PSG2: variants seen among roughly 807,000 people sequenced by gnomAD.
The protein encoded by PSG2 is pregnancy-specific beta-1-glycoprotein 2.
A neutral mutation model predicts 36.2 loss-of-function variants in PSG2; 49 were observed. The ratio of observed to expected loss-of-function variants is 1.35; its 90% CI spans 1.08 to 1.72. PSG2 has a LOEUF of 1.72. Ranked by LOEUF, PSG2 falls within the 40% of genes most tolerant of loss-of-function variation. The pLI is 0.00. For synonymous variants in PSG2, 261 were observed against 155.6 expected (o/e 1.68, Z -5.04); for missense variants, 605 against 407.2 (o/e 1.49, Z -4.18).
At position 43,064,433 on chromosome 19, in the gene PSG2, T is replaced by A. The variant is rs1967712138; in HGVS notation, c.*209A>T. On this transcript the variant is annotated 3_prime_UTR_variant, in exon 6 of 6. Coordinates refer to ENST00000406487, the MANE Select transcript of PSG2 (RefSeq NM_031246.4). ...GAAAATTATGAAATCATTATCCTTT[T>A]GATTATTTAGTCCAATAACATTGAG... 3 of 359,456 alleles carry A rather than the reference T, an allele frequency of 8.3e-6. No individual in the cohort carries two copies. The highest frequency in any genetic ancestry group is 2.0e-4 in the South Asian group (2 of 9,834). 22.3% of individuals were successfully genotyped at this position (359,456 alleles called of 1,614,324 possible).
intron 4 of PSG2, among the ~76,000 whole-genome samples, chr19:43,069,399 A>G (rs1390838030): frequency 6.6e-6 from 1 of 151,764 alleles, no homozygotes; most frequent in African/African-American, 2.4e-5. Flanking sequence ...GACTAAATAG[A>G]CACAGAGCTT....
chr19:43,074,270 G>C (rs1296009359), intron 3 of PSG2, among the ~76,000 whole-genome samples: 1 of 151,524 alleles, frequency 6.6e-6, no homozygotes, highest in Non-Finnish European at 1.5e-5. Context: ...CATTGAATCT[G>C]CAACTCACTT....
In PSG2 at chr19:43,077,747, TAC is replaced by T. The variant is rs1967917704; in HGVS notation, c.431-2117_431-2116del. ...CACAACTACATAATTTAAAAATTGC[TAC>T]TGTCAAAACAAAATATTAAATATGA... On this transcript the variant is annotated intron_variant, in intron 2 of 5. Coordinates refer to ENST00000406487, the MANE Select transcript of PSG2 (RefSeq NM_031246.4). Among the ~76,000 whole-genome samples the T allele has an allele frequency of 1.4e-4, 21 of 151,954 alleles. 2 individuals carry two copies. In the South Asian group the frequency reaches 2.7e-3, roughly 20 times the overall value.
chr19:43,072,029 C>G, intron 3 of PSG2, 75 bp from the exon 4 acceptor site: 5 of 1,549,254 alleles, frequency 3.2e-6, no homozygotes, highest in South Asian at 1.2e-5. Flanking sequence ...TAAAGGGACA[C>G]AGTGACCCTC....
At chr19:43,073,013 G>GC (rs1967841578) in intron 3 of PSG2, among the ~76,000 whole-genome samples, 1 of 151,540 alleles carries the variant, frequency 6.6e-6, no homozygotes, top group African/African-American at 2.4e-5. Flanking sequence ...ATCCTACTTT[G>GC]CCCCCCTAGA....
chr19:43,064,727 T>C (rs1967716704), intron 5 of PSG2, 126 bp from the exon 6 acceptor site: 3 of 342,124 alleles, frequency 8.8e-6, no homozygotes, highest in Non-Finnish European at 1.7e-5. Context: ...GAATTTATTA[T>C]GGTAAAGACA....
At chr19:43,075,170 T>C (rs1967874927) in intron 3 of PSG2, among the ~76,000 whole-genome samples, 184 bp downstream of exon 3, 1 of 151,754 alleles carries the variant, frequency 6.6e-6, no homozygotes, top group Non-Finnish European at 1.5e-5. Context: ...GGAGCCTCTT[T>C]TCTCCTATTG....
chr19:43,066,790 T>C (rs12608832), intron 4 of PSG2, among the ~76,000 whole-genome samples, 190 bp from the exon 5 acceptor site: 1 of 151,666 alleles, frequency 6.6e-6, no homozygotes, highest in African/African-American at 2.4e-5. Context: ...TGTGTCTCGG[T>C]TGGTGATCAG....
Position 43,066,508 on chromosome 19 carries a change from C to T in PSG2, c.*40+9G>A, listed in dbSNP as rs775533033. ...GCAGGAACCAGGATAAGAGAAAAGG[C>T]CATCATACCTGCCAGTCTTCCTGAA... is the stretch of plus-strand genomic sequence containing the variant. On this transcript the variant is annotated intron_variant, in intron 5 of 5. Coordinates refer to ENST00000406487, the MANE Select transcript of PSG2 (RefSeq NM_031246.4). The T allele has an allele frequency of 2.1e-5, 32 of 1,524,396 alleles. 1 individual carries two copies. Among genetic ancestry groups the T allele is most frequent in the Non-Finnish European group, 2.5e-5 (27 of 1,099,872 alleles). The allele number at this position is 1,524,396 out of a possible 1,614,324, so 94.4% of individuals were successfully genotyped here. A position where few individuals can be genotyped will look rare whatever the true frequency, so the allele number is the denominator to read the frequency against.
At chr19:43,072,875 T>C (rs1472420015) in intron 3 of PSG2, among the ~76,000 whole-genome samples, 1 of 151,724 alleles carries the variant, frequency 6.6e-6, no homozygotes, top group East Asian at 1.9e-4. Context: ...TGTTGGGTCA[T>C]GGACAGACAT....
chr19:43,065,299 C>A (rs1599703024), intron 5 of PSG2, among the ~76,000 whole-genome samples: 1 of 151,428 alleles, frequency 6.6e-6, no homozygotes, highest in African/African-American at 2.4e-5. Flanking sequence ...CTTGGTGTAG[C>A]CCATTCATAA....
At chr19:43,068,654 A>G (rs1247935781) in intron 4 of PSG2, among the ~76,000 whole-genome samples, 5 of 151,730 alleles carry the variant, frequency 3.3e-5, no homozygotes, top group African/African-American at 1.2e-4. Context: ...TGAATCAATA[A>G]AAGCATTTGA....
At chr19:43,072,728 C>T in intron 3 of PSG2, 1 of 1,550,368 alleles carries the variant, frequency 6.5e-7, no homozygotes, top group Non-Finnish European at 8.7e-7. Context: ...TCTCAGCCCA[C>T]CTGAGTCCTT....
Position 43,081,541 on chromosome 19 carries a change from G to T in PSG2, c.65-295C>A, listed in dbSNP as rs187565751. On this transcript the variant is annotated intron_variant, in intron 1 of 5. Coordinates refer to ENST00000406487, the MANE Select transcript of PSG2 (RefSeq NM_031246.4). ...TTGGAATCCTCTTCCCCAGGGGTCC[G>T]CATGACCCCATCAGGTCCTGCTCAC... 3.3e-5 allele frequency among the ~76,000 whole-genome samples: 5 copies of T among 150,034 alleles called. 1 individual carries two copies. The East Asian group carries it at 7.8e-4, about 23-fold the overall frequency.
chr19:43,068,993 TAATA>T lies in PSG2; in HGVS notation c.965-2397_965-2394del, dbSNP rs544427164. Among the ~76,000 whole-genome samples the T allele has an allele frequency of 6.9e-4, 105 of 151,862 alleles. 3 individuals are homozygous for T. Among genetic ancestry groups the T allele is most frequent in the African/African-American group, 2.5e-3 (103 of 41,248 alleles). On this transcript the variant is annotated intron_variant, in intron 4 of 5. Transcript: ENST00000406487. ...AAAGGTGGAACAAACCTATTAGAAT[TAATA>T]AATAAATTCAGTAACGTTGCACAAT...
At chr19:43,070,838 T>G (rs1430469418) in intron 4 of PSG2, among the ~76,000 whole-genome samples, 3 of 151,662 alleles carry the variant, frequency 2.0e-5, no homozygotes, top group Non-Finnish European at 4.4e-5. Flanking sequence ...ATATTAGATA[T>G]ATATAAAGTG....
At chr19:43,077,913 T>C (rs1256991625) in intron 2 of PSG2, among the ~76,000 whole-genome samples, 2 of 151,694 alleles carry the variant, frequency 1.3e-5, no homozygotes, top group Non-Finnish European at 2.9e-5. Flanking sequence ...AGTGACAAAT[T>C]CCAAGCTTGT....
intron 3 of PSG2, 35 bp from the exon 4 acceptor site, chr19:43,071,989 A>C (rs369097041): frequency 5.6e-6 from 9 of 1,604,552 alleles, no homozygotes; most frequent in East Asian, 2.2e-5. Context: ...AGGTGATGCC[A>C]TCTGAGGGAA....
At chr19:43,073,057 A>C (rs954616668) in intron 3 of PSG2, among the ~76,000 whole-genome samples, 2 of 151,606 alleles carry the variant, frequency 1.3e-5, no homozygotes, top group African/African-American at 4.9e-5. Context: ...TTCCAAGGAC[A>C]TTCTAGAGAT....
Sources: allele counts gnomAD v4.1 joint callset (sites outside exome capture counted in the v4.1 genomes callset), GRCh38; gene constraint gnomAD v4.1.1; transcripts MANE v1.5; gene names NCBI Gene and HGNC (gene_info 2026-07-23, HGNC 2026-07-21).